Variants in SREBF1 observed in about 807,000 individuals in gnomAD.
SREBF1 encodes the protein sterol regulatory element binding transcription factor 1, also known as sterol regulatory element-binding protein 1.
A neutral mutation model predicts 100.1 loss-of-function variants in SREBF1; 45 were observed. The ratio of observed to expected loss-of-function variants is 0.45; its 90% CI spans 0.35 to 0.58. SREBF1 has a LOEUF of 0.58. Ranked by LOEUF, SREBF1 falls within the 20% of genes least tolerant of loss-of-function variation. SREBF1 has a pLI of 0.00. For synonymous variants in SREBF1, 657 were observed against 681.8 expected, an observed-to-expected ratio of 0.96 and a Z score of 0.57; for missense variants, 1,324 against 1,539.4, an observed-to-expected ratio of 0.86 and a Z score of 2.34.
chr17:17,814,792 G>A (rs377040357), intron 14 of SREBF1, 43 bp downstream of exon 14: 61 of 1,609,318 alleles, frequency 3.8e-5, no homozygotes, highest in Admixed American at 3.0e-4. Flanking sequence ...CACGCTGCAC[G>A]GGGGAGCTGA....
intron 1 of SREBF1, among the ~76,000 whole-genome samples, chr17:17,835,147 G>A (rs1268024984): frequency 2.6e-5 from 4 of 152,160 alleles, no homozygotes; most frequent in African/African-American, 9.7e-5. Context: ...GAAGTGAGGA[G>A]TGTCCAGGTT....
Position 17,812,233 on chromosome 17 carries a change from G to T in SREBF1, c.*389C>A, listed in dbSNP as rs2032948344. The T allele has an allele frequency of 2.5e-5, 10 of 401,606 alleles. No individual in the cohort carries two copies. The highest frequency in any genetic ancestry group is 4.6e-6 in the Non-Finnish European group (1 of 219,474). The allele number at this position is 401,606 out of a possible 1,614,324, so 24.9% of individuals were successfully genotyped here. ...TCTCTCTCCCACGACGGAGAGAGAG[G>T]CCTCTGGGGCAGAGCCCTGCTTGCA... On this transcript the variant is annotated 3_prime_UTR_variant, in exon 19 of 19. Coordinates refer to ENST00000261646, the MANE Select transcript of SREBF1 (RefSeq NM_004176.5).
chr17:17,815,569 G>T, intron 12 of SREBF1: 1 of 594,530 alleles, frequency 1.7e-6, no homozygotes, highest in East Asian at 2.8e-5. Context: ...AAGGAAAACC[G>T]ACTTGAGAAG....
chr17:17,818,207 G>A, intron 6 of SREBF1, 53 bp downstream of exon 6: 1 of 1,509,528 alleles, frequency 6.6e-7, no homozygotes. Flanking sequence ...GCCGGGAGGT[G>A]GAGCAAGGCT....
In SREBF1 at chr17:17,816,194, C is replaced by G; in HGVS notation, c.2214+13G>C. The G allele has an allele frequency of 6.8e-7, 1 of 1,474,026 alleles. No individual in the cohort carries two copies. Among genetic ancestry groups the G allele is most frequent in the Non-Finnish European group, 9.3e-7 (1 of 1,078,688 alleles). The allele number at this position is 1,474,026 out of a possible 1,614,324, so 91.3% of individuals were successfully genotyped here. A position where few individuals can be genotyped will look rare whatever the true frequency, so the allele number is the denominator to read the frequency against. On this transcript the variant is annotated intron_variant, in intron 11 of 18. Coordinates refer to ENST00000261646, the MANE Select transcript of SREBF1 (RefSeq NM_004176.5). ...GCTGCAGGGATAAGCCCCCAGCCCC[C>G]CAACCCACTCACTGTCAGAAAATGC...
Position 17,817,311 on chromosome 17 carries a change from A to G in SREBF1, c.1551T>C (p.Asp517=). The change falls in exon 8 of 19, where the codon GAT becomes GAC. Residue 517 remains aspartate (D), a synonymous_variant. Coordinates refer to ENST00000261646, the MANE Select transcript of SREBF1 (RefSeq NM_004176.5). The surrounding 1 kb of genome is among the most constrained non-coding windows in gnomAD (Gnocchi z 6.6). ...CAGGGCTATGGTAGACGCTGGTGGT[A>G]TCTGAGGGGCTGGGAAGCCCCCGGG... is the stretch of plus-strand genomic sequence containing the variant. ...LGARGLPSPS[D]TTSVYHSPGR... is the part of the protein sequence containing the mutation. 6.2e-7 allele frequency: 1 copy of G among 1,607,018 alleles called. No homozygotes were observed. Among genetic ancestry groups the G allele is most frequent in the Non-Finnish European group, 8.5e-7 (1 of 1,177,760 alleles).
rs139027236 is a variant in SREBF1 at position 17,834,145 on chromosome 17, T to G, written c.91+2582A>C. 5.2e-3 allele frequency among the ~76,000 whole-genome samples: 797 copies of G among 152,248 alleles called. 33 individuals carry two copies. Among genetic ancestry groups the G allele is most frequent in the Admixed American group, 0.043 (662 of 15,296 alleles). The stretch of plus-strand genomic sequence containing the variant: ...ATCTCACTCTGTCATCCAGGCTGAG[T>G]GCAACGGCATGGTTATAGCTCACTG... On this transcript the variant is annotated intron_variant, in intron 1 of 18. Coordinates refer to ENST00000261646, the MANE Select transcript of SREBF1 (RefSeq NM_004176.5).
rs756896447 is a variant in SREBF1, at chr17:17,815,256, C to G, written c.2457G>C (p.Gln819His). 2 of 1,613,606 alleles carry G rather than the reference C, an allele frequency of 1.2e-6. No individual in the cohort carries two copies. The highest frequency in any genetic ancestry group is 1.3e-5 in the African/African-American group (1 of 74,938). Residue 819 changes from glutamine (Q) to histidine (H), a missense_variant, in exon 13 of 19, where the codon CAG becomes CAC. Gln to His is a conservative substitution (Grantham distance 24). Transcript: ENST00000261646. ...LLERALNCVT[Q>H]PNPSPGSADG... The stretch of plus-strand genomic sequence containing the variant: ...CAGCTGACCCAGGGCTGGGGTTGGG[C>G]TGGGTCACACAGTTCAGTGCTCGCT...
At position 17,812,083 on chromosome 17, in the gene SREBF1, A is replaced by ATAAT. The variant is rs2032925695; in HGVS notation, c.*535_*538dup. 4.6e-6 allele frequency: 2 copies of ATAAT among 432,350 alleles called. No individual in the cohort carries two copies. The highest frequency in any genetic ancestry group is 4.5e-6 in the Non-Finnish European group (1 of 221,394). 26.8% of individuals were successfully genotyped at this position (432,350 alleles called of 1,614,324 possible). On this transcript the variant is annotated 3_prime_UTR_variant, in exon 19 of 19. Coordinates refer to ENST00000261646, the MANE Select transcript of SREBF1 (RefSeq NM_004176.5). ...TGAAGACACAAAACCCAGATTATAA[A>ATAAT]TAATTTCATTTTTAATTCTCTGTAC...
rs775092228 is a variant in SREBF1, at chr17:17,817,068, C to T, written c.1675G>A (p.Val559Ile). Residue 559 changes from valine to isoleucine, a missense_variant, in exon 9 of 19, where the codon GTC becomes ATC. Physicochemically the swap from Val to Ile is conservative, Grantham distance 29. Transcript: ENST00000261646. The surrounding 1 kb of genome is among the most constrained non-coding windows in gnomAD (Gnocchi z 6.6). ...TAGACAAAGAGAAGCACCAAGGAGA[C>T]GAGCACCAACAGCCCATTGAGCAGC... ...VWLLNGLLVL[V>I]SLVLLFVYGE... 2.5e-5 allele frequency: 40 copies of T among 1,613,024 alleles called. No individual in the cohort carries two copies. The highest frequency in any genetic ancestry group is 2.2e-4 in the South Asian group (20 of 91,090).
intron 16 of SREBF1, 75 bp from the exon 17 acceptor site, chr17:17,813,844 A>G: frequency 7.0e-7 from 1 of 1,426,054 alleles, no homozygotes; most frequent in Non-Finnish European, 9.6e-7. Flanking sequence ...CCGTGGTGCC[A>G]GGGGCCGGCT....
Position 17,812,013 on chromosome 17 carries a change from TG to T in SREBF1, c.*608del. ...GGAGGGGAAGCCTTTCCCTAGGTGC[TG>T]GGGGAGGGCCCAAGCACTCTCACTA... is the stretch of plus-strand genomic sequence containing the variant. On this transcript the variant is annotated 3_prime_UTR_variant, in exon 19 of 19. Transcript: ENST00000261646. The T allele has an allele frequency of 4.5e-6, 2 of 440,378 alleles. No individual in the cohort carries two copies. Among genetic ancestry groups the T allele is most frequent in the South Asian group, 1.6e-5 (1 of 62,040 alleles). 27.3% of individuals were successfully genotyped at this position (440,378 alleles called of 1,614,324 possible).
Position 17,812,841 on chromosome 17 carries a change from C to T in SREBF1, c.3225G>A (p.Ala1075=), listed in dbSNP as rs1040409602. 2 of 1,470,502 alleles carry T rather than the reference C, an allele frequency of 1.4e-6. No homozygotes were observed. Among genetic ancestry groups the T allele is most frequent in the Non-Finnish European group, 1.8e-6 (2 of 1,119,260 alleles). The allele number at this position is 1,470,502 out of a possible 1,614,324, so 91.1% of individuals were successfully genotyped here. A position where few individuals can be genotyped will look rare whatever the true frequency, so the allele number is the denominator to read the frequency against. ...AGPGGKGGAV[A]ELEPRPTRRE... The stretch of plus-strand genomic sequence containing the variant: ...GCCGCGTGGGCCGCGGCTCCAGCTC[C>T]GCCACCGCGCCTGCGCACACGAGGA... Residue 1075 remains alanine (A), a synonymous_variant, in exon 19 of 19, where the codon GCG becomes GCA. Transcript: ENST00000261646.
chr17:17,832,229 CAT>C (rs1208225268), intron 1 of SREBF1, among the ~76,000 whole-genome samples: 2 of 152,228 alleles, frequency 1.3e-5, no homozygotes, highest in Non-Finnish European at 2.9e-5. Flanking sequence ...TCATCTTCAT[CAT>C]ATGTCTACCT....
Position 17,817,387 on chromosome 17 carries a change from G to T in SREBF1, c.1475C>A (p.Thr492Lys). 1 of 1,606,520 alleles carries T rather than the reference G, an allele frequency of 6.2e-7. No individual in the cohort carries two copies. Residue 492 changes from threonine (T) to lysine (K), a missense_variant, in exon 8 of 19, where the codon ACG (threonine) becomes AAG (lysine). Coordinates refer to ENST00000261646, the MANE Select transcript of SREBF1 (RefSeq NM_004176.5). The surrounding 1 kb of genome is among the most constrained non-coding windows in gnomAD (Gnocchi z 6.6). ...MLDRSRLALCTLVFLCLSCNP... is the reference protein window; with the variant it reads ...MLDRSRLALCKLVFLCLSCNP... ...GCAGGACAGGCAGAGGAAGACGAGC[G>T]TGCACAGGGCCAGGCGGGAGCGGTC...
At chr17:17,818,132 G>A in intron 6 of SREBF1, 128 bp downstream of exon 6, 2 of 812,326 alleles carry the variant, frequency 2.5e-6, no homozygotes, top group South Asian at 1.5e-5. Context: ...ACAGCCAAGG[G>A]TGAGGTGGGC....
rs1555573429 is a variant in SREBF1 at position 17,833,450 on chromosome 17, AAT to A, written c.91+3275_91+3276del. On this transcript the variant is annotated intron_variant, in intron 1 of 18. Transcript: ENST00000261646. The stretch of plus-strand genomic sequence containing the variant: ...AAAAAAAAAAAAAAAAAAAAAAAAA[AAT>A]ATATATATATATATATATATATACA... Among the ~76,000 whole-genome samples, 413 of 47,502 alleles carry A rather than the reference AAT, an allele frequency of 8.7e-3. 7 individuals carry two copies. Among genetic ancestry groups the A allele is most frequent in the African/African-American group, 0.015 (159 of 10,774 alleles). The allele number at this position is 47,502 out of a possible 152,430, so 31.2% of individuals were successfully genotyped here.
chr17:17,811,899 C>CCATA lies in SREBF1; in HGVS notation c.*719_*722dup, dbSNP rs1444760494. ...GCAGGGGGAACAGGTAGGCTGGAGG[C>CCATA]CATACAGCCAGCCCTCCCCACTCCT... On this transcript the variant is annotated 3_prime_UTR_variant, in exon 19 of 19. Coordinates refer to ENST00000261646, the MANE Select transcript of SREBF1 (RefSeq NM_004176.5). 2.3e-6 allele frequency: 1 copy of CCATA among 438,230 alleles called. No individual in the cohort carries two copies. The highest frequency in any genetic ancestry group is 2.1e-5 in the African/African-American group (1 of 48,618). The allele number at this position is 438,230 out of a possible 1,614,324, so 27.1% of individuals were successfully genotyped here. A position where few individuals can be genotyped will look rare whatever the true frequency, so the allele number is the denominator to read the frequency against.
rs1567949871 is a variant in SREBF1, at chr17:17,812,633, T to G, written c.3433A>C (p.Thr1145Pro). The change falls in exon 19 of 19, where the codon ACT becomes CCT. Residue 1145 changes from threonine to proline, a missense_variant. By Grantham distance (38) the Thr-to-Pro change is conservative. Transcript: ENST00000261646. ...CGGGGACACGGGGTCTAGCTGGAAG[T>G]GACAGTGGTCCCACCGCCCAGGCGC... is the stretch of plus-strand genomic sequence containing the variant. ...LMRLGGGTTV[T>P]SS 6.2e-7 allele frequency: 1 copy of G among 1,604,668 alleles called. No homozygotes were observed. The highest frequency in any genetic ancestry group is 8.5e-7 in the Non-Finnish European group (1 of 1,175,606).
Sources: gnomAD v4.1 joint callset for allele counts (sites outside exome capture counted in the v4.1 genomes callset) on GRCh38, gnomAD v4.1.1 for gene constraint, Gnocchi (gnomAD v3.1) non-coding constraint, MANE v1.5 for transcripts, NCBI Gene and HGNC (gene_info 2026-07-23, HGNC 2026-07-21) for gene names.